Variants in SCD5 observed in about 807,000 individuals in gnomAD.
SCD5 encodes acyl-CoA-desaturase 4.
Under a neutral mutation model 30.4 loss-of-function variants are expected in SCD5, and 20 were observed. The observed-to-expected ratio is 0.66, with a 90% confidence interval of 0.46 to 0.96. The LOEUF is 0.96. Among genes scored for constraint, SCD5 ranks in the 40% least tolerant of loss-of-function variants. SCD5 has a pLI of 0.00. For synonymous variants in SCD5, 173 were observed against 176.4 expected, an observed-to-expected ratio of 0.98 and a Z score of 0.16; for missense variants, 381 against 443.3, an observed-to-expected ratio of 0.86 and a Z score of 1.26.
intron 1 of SCD5, among the ~76,000 whole-genome samples, chr4:82,752,787 CT>C (rs1358538096): frequency 6.6e-6 from 1 of 152,148 alleles, no homozygotes; most frequent in African/African-American, 2.4e-5. Context: ...ATCTGTTTCC[CT>C]TTTTCCCCCT....
chr4:82,654,043 A>C (rs557132797), intron 3 of SCD5, among the ~76,000 whole-genome samples: 1 of 152,070 alleles, frequency 6.6e-6, no homozygotes, highest in Non-Finnish European at 1.5e-5. Flanking sequence ...TCAGCCTCCC[A>C]AGTAGCTGGG....
chr4:82,653,258 C>G (rs550180183), intron 3 of SCD5, among the ~76,000 whole-genome samples: 1 of 152,260 alleles, frequency 6.6e-6, no homozygotes, highest in Admixed American at 6.5e-5. Flanking sequence ...AAATCTTGGT[C>G]CCCCACACCC....
At chr4:82,784,521 C>T (rs1448117363) in intron 1 of SCD5, among the ~76,000 whole-genome samples, 2 of 152,152 alleles carry the variant, frequency 1.3e-5, no homozygotes, top group Non-Finnish European at 2.9e-5. Context: ...AAATCGTATA[C>T]AACAGCAATT....
At chr4:82,702,895 G>T (rs1436984730) in intron 2 of SCD5, among the ~76,000 whole-genome samples, 1 of 152,172 alleles carries the variant, frequency 6.6e-6, no homozygotes, top group Non-Finnish European at 1.5e-5. Context: ...ACTAGTTCTA[G>T]TTCTGTTCTA....
chr4:82,747,645 G>A (rs888118867), intron 1 of SCD5, among the ~76,000 whole-genome samples: 1 of 152,236 alleles, frequency 6.6e-6, no homozygotes, highest in East Asian at 1.9e-4. Flanking sequence ...GATACCAGCT[G>A]TCATTTTTGT....
intron 1 of SCD5, among the ~76,000 whole-genome samples, chr4:82,712,727 G>T (rs1325216087): frequency 6.6e-6 from 1 of 152,168 alleles, no homozygotes; most frequent in African/African-American, 2.4e-5. Context: ...GAATGTGTGT[G>T]TATGTGTGTG....
intron 2 of SCD5, among the ~76,000 whole-genome samples, chr4:82,703,237 T>C (rs1719894160): frequency 6.6e-6 from 1 of 152,230 alleles, no homozygotes; most frequent in African/African-American, 2.4e-5. Flanking sequence ...TAGTTCAAAT[T>C]TGATGGTTTC....
intron 3 of SCD5, among the ~76,000 whole-genome samples, chr4:82,653,508 T>C (rs1727797887): frequency 6.6e-6 from 1 of 152,112 alleles, no homozygotes; most frequent in South Asian, 2.1e-4. Flanking sequence ...ACTCTTAACA[T>C]CACATTTTCC....
intron 1 of SCD5, among the ~76,000 whole-genome samples, chr4:82,711,390 G>C (rs9996764): frequency 0.39 from 58,609 of 151,944 alleles, 11,877 homozygotes; most frequent in Middle Eastern, 0.51. Flanking sequence ...ATGCTGCTCA[G>C]CATCCCACAA....
intron 2 of SCD5, among the ~76,000 whole-genome samples, chr4:82,683,537 T>C (rs1728625872): frequency 6.6e-6 from 1 of 152,190 alleles, no homozygotes; most frequent in Admixed American, 6.5e-5. Context: ...AACAAAATAT[T>C]TCCCTTACTC....
chr4:82,721,173 A>AAAAC (rs138739681), intron 1 of SCD5, among the ~76,000 whole-genome samples: 295 of 152,150 alleles, frequency 1.9e-3, no homozygotes, highest in African/African-American at 6.5e-3. Context: ...AACAAAAACA[A>AAAAC]AAACAAACAA....
At chr4:82,757,413 G>C (rs1721256199) in intron 1 of SCD5, among the ~76,000 whole-genome samples, 1 of 152,138 alleles carries the variant, frequency 6.6e-6, no homozygotes, top group Non-Finnish European at 1.5e-5. Context: ...TAAGGGTGGG[G>C]CTCATCTCTT....
chr4:82,649,046 A>C (rs4459982), intron 3 of SCD5, among the ~76,000 whole-genome samples: 115,146 of 151,772 alleles, frequency 0.76, 44,552 homozygotes, highest in East Asian at 0.99. Flanking sequence ...CAGTTAAATG[A>C]AATTACTAGA....
chr4:82,780,482 G>C (rs1721843839), intron 1 of SCD5, among the ~76,000 whole-genome samples: 1 of 152,174 alleles, frequency 6.6e-6, no homozygotes. Context: ...AATTTAATCA[G>C]ACACCTAAAT....
intron 1 of SCD5, among the ~76,000 whole-genome samples, chr4:82,781,599 C>T (rs1404829674): frequency 2.0e-5 from 3 of 152,056 alleles, no homozygotes; most frequent in African/African-American, 7.2e-5. Flanking sequence ...TGTTGGGAAG[C>T]AGGCCTAATG....
intron 1 of SCD5, among the ~76,000 whole-genome samples, chr4:82,739,107 G>A (rs1017138489): frequency 6.6e-6 from 1 of 152,176 alleles, no homozygotes; most frequent in Non-Finnish European, 1.5e-5. Context: ...TGTGACTTTG[G>A]GGCCAAATGC....
intron 1 of SCD5, among the ~76,000 whole-genome samples, chr4:82,736,032 T>C (rs1720743321): frequency 6.6e-6 from 1 of 152,154 alleles, no homozygotes; most frequent in South Asian, 2.1e-4. Context: ...AGGCCTGCAA[T>C]TCCAGCACTT....
At chr4:82,756,498 G>C (rs1161130319) in intron 1 of SCD5, among the ~76,000 whole-genome samples, 3 of 152,190 alleles carry the variant, frequency 2.0e-5, no homozygotes, top group African/African-American at 7.2e-5. Context: ...GGCTGAGGCA[G>C]GTGGATCACT....
chr4:82,757,819 ACTTCAGGAAAAGAGAGTC>A (rs1384235100), intron 1 of SCD5, among the ~76,000 whole-genome samples: 1 of 152,220 alleles, frequency 6.6e-6, no homozygotes, highest in Non-Finnish European at 1.5e-5. Flanking sequence ...CCCTATATAA[ACTTCAGGAAAAGAGAGTC>A]CTAACACATG....
Sources: gnomAD v4.1 joint callset for allele counts (sites outside exome capture counted in the v4.1 genomes callset) on GRCh38, gnomAD v4.1.1 for gene constraint, MANE v1.5 for transcripts, NCBI Gene and HGNC (gene_info 2026-07-23, HGNC 2026-07-21) for gene names.